Variants in MPP7 observed in about 807,000 individuals in gnomAD.
MPP7 encodes the protein MAGUK p55 scaffold protein 7, also known as MAGUK p55 subfamily member 7.
A neutral mutation model predicts 76.5 loss-of-function variants in MPP7; 60 were observed. The observed-to-expected ratio is 0.78, with a 90% CI of 0.64 to 0.97. The LOEUF (loss-of-function observed/expected upper bound fraction) is 0.97, where lower values mean the gene tolerates loss of function less well. Ranked by LOEUF, MPP7 falls within the 50% of genes least tolerant of loss-of-function variation. The pLI is 0.00. For missense variants in MPP7, 641 were observed against 694.0 expected, an observed-to-expected ratio of 0.92 and a Z score of 0.86; for synonymous variants, 237 against 244.5, an observed-to-expected ratio of 0.97 and a Z score of 0.29.
chr10:28,217,727 C>G (rs561217776), intron 2 of MPP7, among the ~76,000 whole-genome samples: 82 of 151,970 alleles, frequency 5.4e-4, no homozygotes, highest in African/African-American at 1.9e-3. Flanking sequence ...AAAAAAGAAG[C>G]CAGGAAACAT....
At chr10:28,317,306 T>A (rs1834333468) in intron 2 of MPP7, among the ~76,000 whole-genome samples, 1 of 152,110 alleles carries the variant, frequency 6.6e-6, no homozygotes, top group Non-Finnish European at 1.5e-5. Context: ...GATGGGAGGT[T>A]CCCTAGAGAC....
chr10:28,230,776 A>G (rs1838854644), intron 2 of MPP7, among the ~76,000 whole-genome samples: 1 of 152,230 alleles, frequency 6.6e-6, no homozygotes, highest in South Asian at 2.1e-4. Flanking sequence ...AGATCATGCC[A>G]CTGCATTCCA....
intron 2 of MPP7, among the ~76,000 whole-genome samples, chr10:28,237,592 T>C (rs1253570922): frequency 6.6e-6 from 1 of 152,188 alleles, no homozygotes; most frequent in Non-Finnish European, 1.5e-5. Flanking sequence ...TGTAACATAA[T>C]ACAAGATAAA....
At chr10:28,282,407 CG>C (rs1013558747) in intron 1 of MPP7, among the ~76,000 whole-genome samples, 2 of 151,816 alleles carry the variant, frequency 1.3e-5, no homozygotes, top group Admixed American at 1.3e-4. Flanking sequence ...TAAAATCAAA[CG>C]TACTCACTCT....
chr10:28,216,006 C>A (rs538581538), intron 2 of MPP7, among the ~76,000 whole-genome samples: 3 of 152,210 alleles, frequency 2.0e-5, no homozygotes, highest in African/African-American at 7.2e-5. Flanking sequence ...CAACAACAGA[C>A]CCCATGTATT....
chr10:28,318,073 C>G (rs1834338303), intron 2 of MPP7, among the ~76,000 whole-genome samples: 1 of 152,122 alleles, frequency 6.6e-6, no homozygotes, highest in Non-Finnish European at 1.5e-5. Flanking sequence ...CCTTGGCAAC[C>G]TCAAACTTAC....
At chr10:28,224,398 T>A (rs1279043373) in intron 2 of MPP7, among the ~76,000 whole-genome samples, 1 of 151,840 alleles carries the variant, frequency 6.6e-6, no homozygotes, top group Non-Finnish European at 1.5e-5. Flanking sequence ...GACTGCAAAT[T>A]TTTTTGTTAA....
At chr10:28,273,414 A>G (rs1331626208) in intron 1 of MPP7, among the ~76,000 whole-genome samples, 2 of 152,230 alleles carry the variant, frequency 1.3e-5, no homozygotes, top group South Asian at 2.1e-4. Context: ...AGGCATTCAG[A>G]TCAAGGTGTT....
At chr10:28,139,937 G>A (rs1564653265) in intron 5 of MPP7, among the ~76,000 whole-genome samples, 1 of 152,100 alleles carries the variant, frequency 6.6e-6, no homozygotes, top group Admixed American at 6.5e-5. Flanking sequence ...AAGGTTAACA[G>A]GTTGTATATT....
At chr10:28,308,833 G>T (rs1462830554) in intron 2 of MPP7, among the ~76,000 whole-genome samples, 1 of 151,526 alleles carries the variant, frequency 6.6e-6, no homozygotes, top group Admixed American at 6.6e-5. Flanking sequence ...GTCTCTTCCT[G>T]CTTCAGTCAA....
At chr10:28,222,625 A>G (rs9665710) in intron 2 of MPP7, among the ~76,000 whole-genome samples, 26,306 of 152,018 alleles carry the variant, frequency 0.17, 2,581 homozygotes, top group African/African-American at 0.26. Flanking sequence ...AGGCCGAGGC[A>G]GGCGGTCACG....
In MPP7 at chr10:28,059,577, A is replaced by G. The variant is rs753157586; in HGVS notation, c.1298+73T>C. The G allele has an allele frequency of 4.7e-6, 4 of 842,942 alleles. No individual in the cohort carries two copies. In the South Asian group the frequency reaches 6.0e-5, roughly 13 times the overall value. 52.2% of individuals were successfully genotyped at this position (842,942 alleles called of 1,614,324 possible). ...AATACACTTCAAATGGAGAACTCTC[A>G]GTTGTCTAAAACGGGACAGGCATGT... On this transcript the variant is annotated intron_variant, in intron 14 of 16. Transcript: ENST00000683449.
intron 11 of MPP7, among the ~76,000 whole-genome samples, chr10:28,103,217 C>T (rs1482630404): frequency 6.6e-6 from 1 of 150,642 alleles, no homozygotes; most frequent in Non-Finnish European, 1.5e-5. Context: ...TGTCTCAGGG[C>T]CTTTGCATAC....
intron 1 of MPP7, among the ~76,000 whole-genome samples, chr10:28,294,664 G>A (rs1012570105): frequency 2.4e-4 from 37 of 152,170 alleles, no homozygotes; most frequent in African/African-American, 7.7e-4. Context: ...ATGAGGTTAA[G>A]TATTAAATTT....
At chr10:28,167,166 C>A (rs1836500764) in intron 3 of MPP7, among the ~76,000 whole-genome samples, 1 of 151,994 alleles carries the variant, frequency 6.6e-6, no homozygotes, top group Non-Finnish European at 1.5e-5. Context: ...CAAAAATTAG[C>A]CAGGCGTGGT....
intron 11 of MPP7, among the ~76,000 whole-genome samples, chr10:28,109,945 T>C (rs1186135474): frequency 6.8e-6 from 1 of 147,564 alleles, no homozygotes; most frequent in Non-Finnish European, 1.5e-5. Context: ...TAAAACAGTT[T>C]GTTTTATATT....
At chr10:28,097,606 A>T (rs1437364680) in intron 11 of MPP7, among the ~76,000 whole-genome samples, 1 of 152,186 alleles carries the variant, frequency 6.6e-6, no homozygotes, top group African/African-American at 2.4e-5. Context: ...TAGATGCATA[A>T]TAGAAAAAAA....
At chr10:28,153,520 T>C (rs918858572) in intron 3 of MPP7, among the ~76,000 whole-genome samples, 3 of 152,176 alleles carry the variant, frequency 2.0e-5, no homozygotes, top group African/African-American at 7.2e-5. Context: ...TATATGTCCA[T>C]AAGGGTTTTT....
At chr10:28,115,110 G>GT (rs923042945) in intron 11 of MPP7, among the ~76,000 whole-genome samples, 122 of 141,802 alleles carry the variant, frequency 8.6e-4, no homozygotes, top group African/African-American at 2.9e-3. Context: ...TTTTGTTTTT[G>GT]TTTTTTTTTG....
Sources: allele counts gnomAD v4.1 joint callset (sites outside exome capture counted in the v4.1 genomes callset), GRCh38; gene constraint gnomAD v4.1.1; transcripts MANE v1.5; gene names NCBI Gene and HGNC (gene_info 2026-07-23, HGNC 2026-07-21).